Variants in CLCA1 observed in about 807,000 individuals in gnomAD.
CLCA1 encodes the protein calcium-activated chloride channel regulator 1.
A neutral mutation model predicts 85.6 loss-of-function variants in CLCA1; 59 were observed. That is an observed-to-expected ratio of 0.69 (90% CI 0.56 to 0.86). CLCA1 has a LOEUF of 0.86. Among genes scored for constraint, CLCA1 ranks in the 40% least tolerant of loss-of-function variants. The probability of loss-of-function intolerance (pLI) is 0.00; values close to 1 mark genes in which losing one functional copy is unlikely to be tolerated. For synonymous variants in CLCA1, 396 were observed against 398.3 expected, an observed-to-expected ratio of 0.99 and a Z score of 0.07; for missense variants, 1,022 against 1,101.4, an observed-to-expected ratio of 0.93 and a Z score of 1.02.
In CLCA1 at chr1:86,485,360, AG is replaced by A. The variant is rs1647933796; in HGVS notation, c.754del (p.Glu252AsnfsTer24). ...AATTTCAGATAGTTGAATTCTGTAC[AG>A]AACAAAACCACAACAAAGAAGCTCC... ...HVDSIVEFCT[E>X]QNHNKEAPNK... is the part of the protein sequence containing the mutation. On this transcript the variant is annotated frameshift_variant, in exon 6 of 14. Coordinates refer to ENST00000394711, the MANE Select transcript of CLCA1 (RefSeq NM_001285.4). LOFTEE classifies it high-confidence loss of function. 1 of 1,613,534 alleles carries A rather than the reference AG, an allele frequency of 6.2e-7. No homozygotes were observed.
In CLCA1 at chr1:86,485,392, A is replaced by G; in HGVS notation, c.785A>G (p.Lys262Arg). 4 of 1,614,250 alleles carry G rather than the reference A, an allele frequency of 2.5e-6. No individual in the cohort carries two copies. Among genetic ancestry groups the G allele is most frequent in the Non-Finnish European group, 3.4e-6 (4 of 1,180,040 alleles). Reference protein sequence around the residue: ...EQNHNKEAPNKQNQKCNLRST... With the variant: ...EQNHNKEAPNRQNQKCNLRST... ...AACCACAACAAAGAAGCTCCAAACA[A>G]GCAAAATCAAAAATGCAATCTCCGA... The change falls in exon 6 of 14, where the codon AAG becomes AGG. Residue 262 changes from lysine (K) to arginine (R), a missense_variant. By Grantham distance (26) the Lys-to-Arg change is conservative. Transcript: ENST00000394711.
At chr1:86,481,247 G>A (rs922833247) in intron 4 of CLCA1, among the ~76,000 whole-genome samples, 9 of 151,518 alleles carry the variant, frequency 5.9e-5, no homozygotes, top group African/African-American at 1.7e-4. Context: ...AGCAATTCTC[G>A]TGCCTTAGCT....
intron 12 of CLCA1, 144 bp downstream of exon 12, chr1:86,495,819 C>A: frequency 1.3e-6 from 1 of 760,434 alleles, no homozygotes; most frequent in Non-Finnish European, 2.0e-6. Context: ...CCAGACAATC[C>A]TTTGTTGTGG....
intron 11 of CLCA1, 115 bp from the exon 12 acceptor site, chr1:86,495,390 T>C (rs1248811313): frequency 6.2e-6 from 5 of 807,144 alleles, no homozygotes; most frequent in Non-Finnish European, 9.8e-6. Flanking sequence ...TAAGGTCTCT[T>C]GGAGCTAATG....
chr1:86,473,967 G>A, intron 3 of CLCA1, 91 bp downstream of exon 3: 4 of 877,786 alleles, frequency 4.6e-6, no homozygotes, highest in Non-Finnish European at 6.5e-6. Context: ...GAGTAAGCAT[G>A]TATAAGCCAA....
chr1:86,472,097 A>G (rs1647519028), intron 1 of CLCA1, among the ~76,000 whole-genome samples: 1 of 152,056 alleles, frequency 6.6e-6, no homozygotes, highest in South Asian at 2.1e-4. Flanking sequence ...CTTGTCCTGA[A>G]GTCCACTTCC....
intron 9 of CLCA1, 54 bp downstream of exon 9, chr1:86,491,425 TG>T: frequency 8.0e-7 from 1 of 1,248,104 alleles, no homozygotes; most frequent in Non-Finnish European, 1.2e-6. Flanking sequence ...ATAGCCAAGA[TG>T]GAGAATTTAA....
In CLCA1 at chr1:86,499,748, A is replaced by G; in HGVS notation, c.2448A>G (p.Pro816=). The change falls in exon 14 of 14, where the codon CCA becomes CCG. Residue 816 remains proline (P), a synonymous_variant. Transcript: ENST00000394711. ...SLQVNTTALI[P]KEANSEEVFL... ...AAGTGAATACTACTGCTCTCATCCC[A>G]AAGGAAGCCAACTCTGAGGAAGTCT... The G allele has an allele frequency of 6.2e-7, 1 of 1,613,122 alleles. No homozygotes were observed. Among genetic ancestry groups the G allele is most frequent in the Non-Finnish European group, 8.5e-7 (1 of 1,179,110 alleles).
intron 1 of CLCA1, among the ~76,000 whole-genome samples, chr1:86,472,007 C>T (rs1647511064): frequency 8.1e-6 from 1 of 123,908 alleles, no homozygotes; most frequent in African/African-American, 3.1e-5. Context: ...GCAATGACCC[C>T]TTTTTCTTTT....
intron 5 of CLCA1, among the ~76,000 whole-genome samples, chr1:86,484,043 C>G (rs754313868): frequency 3.9e-5 from 6 of 152,128 alleles, no homozygotes; most frequent in Non-Finnish European, 7.3e-5. Context: ...TACGTGGGAA[C>G]TCACTCAATA....
chr1:86,494,418 G>A lies in CLCA1; in HGVS notation c.1912G>A (p.Val638Ile). The change falls in exon 11 of 14, where the codon GTT becomes ATT. Residue 638 changes from valine to isoleucine, a missense_variant. Val to Ile is a conservative substitution (Grantham distance 29, BLOSUM62 3). Coordinates refer to ENST00000394711, the MANE Select transcript of CLCA1 (RefSeq NM_001285.4). ...GATTGAATCAGTGAATGGAAAAACA[G>A]TTACCTTGGAACTACTGGATAATGG... is the stretch of plus-strand genomic sequence containing the variant. ...ALIESVNGKT[V>I]TLELLDNGAG... The A allele has an allele frequency of 6.2e-7, 1 of 1,614,212 alleles. No homozygotes were observed. The highest frequency in any genetic ancestry group is 8.5e-7 in the Non-Finnish European group (1 of 1,180,016).
intron 4 of CLCA1, 125 bp from the exon 5 acceptor site, chr1:86,482,080 A>G: frequency 1.5e-6 from 1 of 673,286 alleles, no homozygotes; most frequent in Admixed American, 2.8e-5. Flanking sequence ...CTATGATGGG[A>G]TGTCCTTGTT....
intron 4 of CLCA1, among the ~76,000 whole-genome samples, chr1:86,480,143 G>A (rs1189918755): frequency 6.6e-6 from 1 of 152,042 alleles, no homozygotes; most frequent in Non-Finnish European, 1.5e-5. Flanking sequence ...CTCTTTCAAT[G>A]CATTCAATCA....
At chr1:86,473,631 A>G in intron 2 of CLCA1, 74 bp downstream of exon 2, 1 of 1,503,966 alleles carries the variant, frequency 6.6e-7, no homozygotes. Context: ...AAAATATTCT[A>G]GAATCAAATG....
intron 4 of CLCA1, among the ~76,000 whole-genome samples, chr1:86,478,915 A>G (rs1315145595): frequency 6.6e-6 from 1 of 152,258 alleles, no homozygotes. Flanking sequence ...CTTCATTCAT[A>G]TGATACAGAA....
At chr1:86,474,942 A>C (rs1158697709) in intron 3 of CLCA1, among the ~76,000 whole-genome samples, 1 of 152,202 alleles carries the variant, frequency 6.6e-6, no homozygotes, top group Non-Finnish European at 1.5e-5. Context: ...TATAAGGCAC[A>C]GAAAACAAGC....
At chr1:86,481,544 T>C (rs112780861) in intron 4 of CLCA1, among the ~76,000 whole-genome samples, 44 of 152,298 alleles carry the variant, frequency 2.9e-4, no homozygotes, top group African/African-American at 1.1e-3. Context: ...TGTTGATATA[T>C]ACAAAGTGAA....
chr1:86,489,135 C>T lies in CLCA1; in HGVS notation c.1322C>T (p.Ala441Val), dbSNP rs1309005876. ...CACACAGTCGCTTTGGGGCCCTCTG[C>T]AGCTCAAGAACTAGAGGAGCTGTCC... ...IIHTVALGPSAAQELEELSKM... is the reference protein window; with the variant it reads ...IIHTVALGPSVAQELEELSKM... The change falls in exon 8 of 14, where the codon GCA (alanine) becomes GTA (valine). Residue 441 changes from alanine to valine, a missense_variant. Physicochemically the swap from Ala to Val is moderately conservative, Grantham distance 64. Transcript: ENST00000394711. The T allele has an allele frequency of 1.7e-5, 27 of 1,613,882 alleles. No individual in the cohort carries two copies. Among genetic ancestry groups the T allele is most frequent in the Non-Finnish European group, 2.2e-5 (26 of 1,179,980 alleles).
intron 8 of CLCA1, 107 bp downstream of exon 8, chr1:86,489,277 C>T (rs560732304): frequency 4.6e-6 from 5 of 1,075,340 alleles, no homozygotes; most frequent in Non-Finnish European, 6.6e-6. Context: ...GATAGGATAA[C>T]CTAATTGGCT....
Sources: allele counts gnomAD v4.1 joint callset (sites outside exome capture counted in the v4.1 genomes callset), GRCh38; gene constraint gnomAD v4.1.1; transcripts MANE v1.5; gene names NCBI Gene and HGNC (gene_info 2026-07-23, HGNC 2026-07-21).